COL27A1: variants seen among roughly 807,000 people sequenced by gnomAD.
The protein encoded by COL27A1 is collagen type XXVII alpha 1 chain.
COL27A1 carries 106 observed loss-of-function variants against 251.3 expected under a neutral mutation model. That is an observed-to-expected ratio of 0.42 (90% CI 0.36 to 0.50). The LOEUF (loss-of-function observed/expected upper bound fraction) is 0.50. Ranked by LOEUF, COL27A1 falls within the 20% of genes least tolerant of loss-of-function variation. The pLI, the probability that COL27A1 is intolerant of heterozygous loss-of-function variation, is 0.00. For synonymous variants in COL27A1, 1,000 were observed against 986.3 expected (o/e 1.01, Z -0.26); for missense variants, 2,325 against 2,522.8 (o/e 0.92, Z 1.68).
chr9:114,243,840 G>T (rs1351900889), intron 23 of COL27A1, among the ~76,000 whole-genome samples: 15 of 152,062 alleles, frequency 9.9e-5, no homozygotes, highest in Admixed American at 9.8e-4. Flanking sequence ...GGTGGGGGTG[G>T]TGGAGGAAAC....
At chr9:114,260,300 C>T (rs1020787981) in intron 28 of COL27A1, among the ~76,000 whole-genome samples, 2 of 152,304 alleles carry the variant, frequency 1.3e-5, no homozygotes, top group East Asian at 1.9e-4. Context: ...GAACATGAGC[C>T]CCTCTCCCCA....
intron 14 of COL27A1, 72 bp downstream of exon 14, chr9:114,222,339 C>T (rs1332984628): frequency 3.5e-6 from 5 of 1,413,976 alleles, no homozygotes; most frequent in South Asian, 1.2e-5. Context: ...GTGTGGGGAG[C>T]CAGGAGCAGG....
At position 114,173,813 on chromosome 9, in the gene COL27A1, G is replaced by T. The variant is rs149836392; in HGVS notation, c.1908+4350G>T. ...TGAGGTGGGGACTTTGGTGCACTGA[G>T]AGAACTGGGAGGGTCTGGACATAGT... On this transcript the variant is annotated intron_variant, in intron 3 of 60. Coordinates refer to ENST00000356083, the MANE Select transcript of COL27A1 (RefSeq NM_032888.4). 2.2e-4 allele frequency among the ~76,000 whole-genome samples: 34 copies of T among 152,264 alleles called. No homozygotes were observed. The East Asian group carries it at 6.4e-3, about 29-fold the overall frequency.
chr9:114,228,456 C>T (rs1024972290), intron 14 of COL27A1, among the ~76,000 whole-genome samples: 1 of 152,212 alleles, frequency 6.6e-6, no homozygotes, highest in Non-Finnish European at 1.5e-5. Context: ...GGCCTGTGGA[C>T]ATGCAGCTCT....
chr9:114,177,085 G>T (rs559983595), intron 3 of COL27A1, among the ~76,000 whole-genome samples: 1 of 152,192 alleles, frequency 6.6e-6, no homozygotes, highest in Non-Finnish European at 1.5e-5. Flanking sequence ...CACATCAGGC[G>T]CTTAGTTAAT....
chr9:114,255,800 C>T (rs1833881030), intron 27 of COL27A1, among the ~76,000 whole-genome samples: 1 of 152,194 alleles, frequency 6.6e-6, no homozygotes. Flanking sequence ...AGCCGGCTAG[C>T]TCGGAGGCCC....
In COL27A1 at chr9:114,242,216, G is replaced by C. The variant is rs138017693; in HGVS notation, c.2865G>C (p.Gly955=). Residue 955 remains glycine (G), a synonymous_variant, in exon 22 of 61, where the codon GGG becomes GGC. Transcript: ENST00000356083. ...EGDEGPMGPP[G]APGLEGQPGR... ...ATGAGGGACCCATGGGGCCGCCAGG[G>C]GCCCCTGGCTTGGAGGTGAGTGTCA... 6.3e-5 allele frequency: 102 copies of C among 1,609,508 alleles called. No individual in the cohort carries two copies. Among genetic ancestry groups the C allele is most frequent in the Non-Finnish European group, 9.3e-6 (11 of 1,178,502 alleles).
Position 114,168,691 on chromosome 9 carries a change from T to C in COL27A1, c.1136T>C (p.Ile379Thr). The C allele has an allele frequency of 1.9e-6, 3 of 1,614,070 alleles. No individual in the cohort carries two copies. Among genetic ancestry groups the C allele is most frequent in the Non-Finnish European group, 2.5e-6 (3 of 1,180,016 alleles). Residue 379 changes from isoleucine (I) to threonine (T), a missense_variant, in exon 3 of 61, where the codon ATT (isoleucine) becomes ACT (threonine). Transcript: ENST00000356083. The part of the protein sequence containing the change: ...PTKPSAPSTS[I>T]VPIKSPHPTQ... ...AAGCCTTCGGCCCCTTCTACTTCAA[T>C]TGTGCCCATCAAAAGCCCCCATCCT... is the stretch of plus-strand genomic sequence containing the variant.
In COL27A1 at chr9:114,307,057, G is replaced by A. The variant is rs75257783; in HGVS notation, c.5107+369G>A. The A allele has an allele frequency of 8.6e-3, 1,952 of 227,616 alleles. 41 individuals carry two copies. The highest frequency in any genetic ancestry group is 0.042 in the African/African-American group (1,805 of 43,270). The allele number at this position is 227,616 out of a possible 1,614,324, so 14.1% of individuals were successfully genotyped here. A position where few individuals can be genotyped will look rare whatever the true frequency, so the allele number is the denominator to read the frequency against. On this transcript the variant is annotated intron_variant, in intron 58 of 60. Coordinates refer to ENST00000356083, the MANE Select transcript of COL27A1 (RefSeq NM_032888.4). ...TGTGGTGCTGTGAAGGACAAGCTGCGGAGCCAGACAGACCTGAGTTCCAAT... is the reference window on the plus strand; with the variant it reads ...TGTGGTGCTGTGAAGGACAAGCTGCAGAGCCAGACAGACCTGAGTTCCAAT...
At chr9:114,302,707 C>CA (rs772038187) in intron 56 of COL27A1, among the ~76,000 whole-genome samples, 59 of 117,946 alleles carry the variant, frequency 5.0e-4, no homozygotes, top group Admixed American at 8.5e-4. Flanking sequence ...GACTCTGTCT[C>CA]AAAAAGAAAC....
chr9:114,219,657 A>G, intron 12 of COL27A1, 134 bp from the exon 13 acceptor site: 2 of 668,936 alleles, frequency 3.0e-6, no homozygotes, highest in East Asian at 5.1e-5. Context: ...TCAGGACCGC[A>G]CTGTCTGCCC....
chr9:114,175,947 T>C (rs1256800562), intron 3 of COL27A1, among the ~76,000 whole-genome samples: 1 of 152,214 alleles, frequency 6.6e-6, no homozygotes, highest in Non-Finnish European at 1.5e-5. Context: ...GCCAGGAAGT[T>C]TCCAGGATCT....
intron 12 of COL27A1, among the ~76,000 whole-genome samples, chr9:114,211,310 TTCTG>T (rs1046590134): frequency 6.6e-6 from 1 of 152,200 alleles, no homozygotes; most frequent in African/African-American, 2.4e-5. Context: ...GTCTGGGGGC[TTCTG>T]TCTAAGGTAT....
In COL27A1 at chr9:114,167,925, C is replaced by G. The variant is rs149948860; in HGVS notation, c.370C>G (p.Leu124Val). 528 of 1,611,396 alleles carry G rather than the reference C, an allele frequency of 3.3e-4. 3 individuals are homozygous for G. The African/African-American group carries it at 6.4e-3, about 20-fold the overall frequency. Residue 124 changes from leucine (L) to valine (V), a missense_variant, in exon 3 of 61, where the codon CTG (leucine) becomes GTG (valine). Leu to Val is a conservative substitution (Grantham distance 32). Transcript: ENST00000356083. ...CGCTGTCCGCAGCCAGAAACGCAAG[C>G]TGCAGCTGGGCCTGCAGTTCCTCCC... ...LFAVRSQKRKLQLGLQFLPGK... is the reference protein window; with the variant it reads ...LFAVRSQKRKVQLGLQFLPGK...
In COL27A1 at chr9:114,264,951, G is replaced by C; in HGVS notation, c.3277G>C (p.Gly1093Arg). 1 of 1,613,316 alleles carries C rather than the reference G, an allele frequency of 6.2e-7. No homozygotes were observed. The highest frequency in any genetic ancestry group is 1.3e-5 in the African/African-American group (1 of 75,018). ...KGPPGPQGRP[G>R]RPGQQGVAGE... ...CCCTCCAGGACCCCAGGGCAGACCG[G>C]GCCGGCCTGGACAGCAGGTATGTCA... is the stretch of plus-strand genomic sequence containing the variant. The change falls in exon 30 of 61, where the codon GGC becomes CGC. Residue 1093 changes from glycine to arginine, a missense_variant. Around this residue, in one of 4 missense-constraint regions of COL27A1, gnomAD observed 662 missense variants for 795.3 expected, o/e 0.83. Coordinates refer to ENST00000356083, the MANE Select transcript of COL27A1 (RefSeq NM_032888.4).
intron 6 of COL27A1, 98 bp from the exon 7 acceptor site, chr9:114,195,861 C>T: frequency 1.0e-6 from 1 of 975,626 alleles, no homozygotes; most frequent in Admixed American, 1.7e-5. Context: ...CATTTGGAAA[C>T]AACCAGCCAT....
chr9:114,185,138 G>T lies in COL27A1; in HGVS notation c.2016+2063G>T, dbSNP rs573199879. Among the ~76,000 whole-genome samples, 12 of 152,248 alleles carry T rather than the reference G, an allele frequency of 7.9e-5. No individual in the cohort carries two copies. In the East Asian group the frequency reaches 2.1e-3, roughly 27 times the overall value. Reference sequence around the variant, plus strand: ...GAGGGCCTGCCAGCTGTTTCTCCTCGCATTTTGAACACATCTCTTAGTATG... The same window carrying T: ...GAGGGCCTGCCAGCTGTTTCTCCTCTCATTTTGAACACATCTCTTAGTATG... On this transcript the variant is annotated intron_variant, in intron 5 of 60. Coordinates refer to ENST00000356083, the MANE Select transcript of COL27A1 (RefSeq NM_032888.4).
intron 6 of COL27A1, among the ~76,000 whole-genome samples, chr9:114,195,335 CAG>C (rs1829043548): frequency 6.6e-6 from 1 of 151,734 alleles, no homozygotes; most frequent in African/African-American, 2.4e-5. Flanking sequence ...CCCAGGGTCC[CAG>C]GAGAGTGTTC....
At chr9:114,203,535 G>A (rs573886920) in intron 7 of COL27A1, among the ~76,000 whole-genome samples, 1 of 152,282 alleles carries the variant, frequency 6.6e-6, no homozygotes, top group Admixed American at 6.5e-5. Context: ...CTGGGGAAAA[G>A]AGTACACGCC....
Sources: gnomAD v4.1 joint callset for allele counts (sites outside exome capture counted in the v4.1 genomes callset) on GRCh38, gnomAD v4.1.1 for gene constraint, gnomAD v4.1.1 regional missense constraint, MANE v1.5 for transcripts, NCBI Gene and HGNC (gene_info 2026-07-23, HGNC 2026-07-21) for gene names.